The following DQX1 variants were observed in gnomAD, a reference collection of about 807,000 sequenced individuals.
DQX1 encodes ATP-dependent RNA helicase homolog DQX1.
A neutral mutation model predicts 81.3 loss-of-function variants in DQX1; 66 were observed. That is an observed-to-expected ratio of 0.81 (90% CI 0.67 to 1.00). The LOEUF (loss-of-function observed/expected upper bound fraction) is 1.00. DQX1 is among the 50% of genes least tolerant of loss of function. The probability of loss-of-function intolerance (pLI) is 0.00; values close to 1 mark genes in which losing one functional copy is unlikely to be tolerated. For missense variants in DQX1, 798 were observed against 867.9 expected, an observed-to-expected ratio of 0.92 and a Z score of 1.01; for synonymous variants, 290 against 350.0, an observed-to-expected ratio of 0.83 and a Z score of 1.91.
In DQX1 at chr2:74,525,731, G is replaced by A; in HGVS notation, c.-2C>T. 6.4e-7 allele frequency: 1 copy of A among 1,550,590 alleles called. No individual in the cohort carries two copies. The highest frequency in any genetic ancestry group is 8.7e-7 in the Non-Finnish European group (1 of 1,146,270). ...TAGCCTGAGAGGCTGAGAGGTCATGGTGGCTCTCTGGCAGGACCTGCAGAA... is the reference window on the plus strand; with the variant it reads ...TAGCCTGAGAGGCTGAGAGGTCATGATGGCTCTCTGGCAGGACCTGCAGAA... On this transcript the variant is annotated 5_prime_UTR_variant, in exon 2 of 12. Coordinates refer to ENST00000404568, the MANE Select transcript of DQX1 (RefSeq NM_133637.3). This position sits in a 1 kb window ranked among gnomAD's most constrained non-coding sequence, Gnocchi z 4.1.
Position 74,524,231 on chromosome 2 carries a change from C to T in DQX1, c.508G>A (p.Asp170Asn). The change falls in exon 4 of 12, where the codon GAT (aspartate) becomes AAT (asparagine). Residue 170 changes from aspartate (D) to asparagine (N), a missense_variant. Transcript: ENST00000404568. ...GCCACCGACCGCTCCTGAGCCTCAT[C>T]TAGTACCAGCACGCCCCAGGCTCCA... ...GTGAWGVLVL[D>N]EAQERSVASD... 1 of 1,614,126 alleles carries T rather than the reference C, an allele frequency of 6.2e-7. No individual in the cohort carries two copies. Among genetic ancestry groups the T allele is most frequent in the Non-Finnish European group, 8.5e-7 (1 of 1,180,024 alleles).
chr2:74,523,807 G>A, intron 4 of DQX1, 116 bp downstream of exon 4: 1 of 1,389,170 alleles, frequency 7.2e-7, no homozygotes, highest in Non-Finnish European at 9.5e-7. Flanking sequence ...CAACTCTACT[G>A]TTCCTAAGAG....
chr2:74,525,325 C>T lies in DQX1; in HGVS notation c.238-123G>A, dbSNP rs1462146756. The T allele has an allele frequency of 1.6e-6, 2 of 1,279,270 alleles. No individual in the cohort carries two copies. The highest frequency in any genetic ancestry group is 2.1e-6 in the Non-Finnish European group (2 of 943,902). 79.2% of individuals were successfully genotyped at this position (1,279,270 alleles called of 1,614,324 possible). On this transcript the variant is annotated intron_variant, in intron 2 of 11. Coordinates refer to ENST00000404568, the MANE Select transcript of DQX1 (RefSeq NM_133637.3). This position sits in a 1 kb window ranked among gnomAD's most constrained non-coding sequence, Gnocchi z 4.1. ...GGGGAGTCCCCTGGTCTTTCACCAG[C>T]CTCCAGGGCCAACCTAACCCATCCC... is the stretch of plus-strand genomic sequence containing the variant.
Position 74,525,424 on chromosome 2 carries a change from C to A in DQX1, c.237+69G>T. The stretch of plus-strand genomic sequence containing the variant: ...CTTGCCCAGGGAAAGGCCACTTTCC[C>A]TTTGTCCTCCCTTTGTCCTCCCTTT... On this transcript the variant is annotated intron_variant, in intron 2 of 11. Coordinates refer to ENST00000404568, the MANE Select transcript of DQX1 (RefSeq NM_133637.3). The surrounding 1 kb of genome is among the most constrained non-coding windows in gnomAD (Gnocchi z 4.1). The A allele has an allele frequency of 6.7e-7, 1 of 1,486,304 alleles. No individual in the cohort carries two copies. The allele number at this position is 1,486,304 out of a possible 1,614,324, so 92.1% of individuals were successfully genotyped here.
intron 10 of DQX1, 84 bp from the exon 11 acceptor site, chr2:74,519,314 A>C: frequency 6.9e-7 from 1 of 1,442,532 alleles, no homozygotes; most frequent in South Asian, 1.4e-5. Flanking sequence ...ATTGAGAAAG[A>C]GTAAGGGTGA....
chr2:74,525,069 C>CTGTATCCAA lies in DQX1; in HGVS notation c.370_371insTTGGATACA (p.Gly124delinsValGlyTyrSer). The CTGTATCCAA allele has an allele frequency of 6.2e-7, 1 of 1,614,132 alleles. No homozygotes were observed. Among genetic ancestry groups the CTGTATCCAA allele is most frequent in the Non-Finnish European group, 8.5e-7 (1 of 1,180,020 alleles). Reference sequence around the variant, plus strand: ...GGGGATGCTGTATCCAACCTCATGACCCAGGGTCAGGTCCATCTCATCAGC... The same window carrying CTGTATCCAA: ...GGGGATGCTGTATCCAACCTCATGACTGTATCCAACCAGGGTCAGGTCCATCTCATCAGC... On this transcript the variant is annotated protein_altering_variant, in exon 3 of 12. Transcript: ENST00000404568. This position sits in a 1 kb window ranked among gnomAD's most constrained non-coding sequence, Gnocchi z 4.1.
At chr2:74,523,585 G>C in intron 4 of DQX1, 48 bp from the exon 5 acceptor site, 1 of 1,560,628 alleles carries the variant, frequency 6.4e-7, no homozygotes, top group Non-Finnish European at 8.8e-7. Flanking sequence ...CACGTTTTTT[G>C]GGGTCACAGA....
At chr2:74,519,806 C>T in intron 9 of DQX1, 60 bp from the exon 10 acceptor site, 1 of 1,604,558 alleles carries the variant, frequency 6.2e-7, no homozygotes, top group Non-Finnish European at 8.5e-7. Context: ...ATAACCCAAC[C>T]CTTAGCCAAA....
intron 7 of DQX1, 21 bp downstream of exon 7, chr2:74,522,835 T>G: frequency 6.2e-7 from 1 of 1,612,512 alleles, no homozygotes; most frequent in South Asian, 1.1e-5. Context: ...ATGGCAGTGC[T>G]TGGGCAGGAG....
chr2:74,521,368 G>A (rs1210526956), intron 8 of DQX1, among the ~76,000 whole-genome samples: 5 of 152,088 alleles, frequency 3.3e-5, no homozygotes, highest in African/African-American at 1.2e-4. Context: ...GTCCATCAGG[G>A]GCTGGGTGCC....
intron 3 of DQX1, 84 bp downstream of exon 3, chr2:74,524,925 G>C: frequency 1.4e-6 from 2 of 1,457,156 alleles, no homozygotes; most frequent in Non-Finnish European, 1.9e-6. Flanking sequence ...GCTAAGGGAG[G>C]GTATGGTGAG....
rs540471297 is a variant in DQX1, at chr2:74,519,069, A to G, written c.1968T>C (p.Leu656=). The G allele has an allele frequency of 1.3e-6, 2 of 1,596,118 alleles. No individual in the cohort carries two copies. The highest frequency in any genetic ancestry group is 2.3e-5 in the South Asian group (2 of 88,640). The change falls in exon 11 of 12, where the codon CTT becomes CTC. Residue 656 remains leucine (L), a synonymous_variant. Coordinates refer to ENST00000404568, the MANE Select transcript of DQX1 (RefSeq NM_133637.3). ...GTGGTTGAATCTCAGAAACAATGGA[A>G]AGGCAGTTGTCTTTGGATATGGTGA... ...HNFTISKDNC[L]SIVSEIQPQM...
At position 74,522,938 on chromosome 2, in the gene DQX1, CT is replaced by C; in HGVS notation, c.1220del (p.Glu407GlyfsTer4). 6.2e-7 allele frequency: 1 copy of C among 1,614,194 alleles called. No individual in the cohort carries two copies. Among genetic ancestry groups the C allele is most frequent in the Admixed American group, 1.7e-5 (1 of 60,020 alleles). On this transcript the variant is annotated frameshift_variant, in exon 7 of 12. Coordinates refer to ENST00000404568, the MANE Select transcript of DQX1 (RefSeq NM_133637.3). LOFTEE classifies it high-confidence loss of function. Reference protein sequence around the residue: ...APPLPQPRVCEENLSSLVLLL... With the variant: ...APPLPQPRVCXENLSSLVLLL... ...GTAACACCAGGGAGCTCAGATTCTC[CT>C]CACACACCCTGGGTTGTGGCAATGG...
chr2:74,519,285 TA>T, intron 10 of DQX1, 55 bp from the exon 11 acceptor site: 1 of 1,503,428 alleles, frequency 6.7e-7, no homozygotes, highest in South Asian at 1.3e-5. Flanking sequence ...AGGCAGGCAG[TA>T]GAAAAAAATA....
Position 74,518,606 on chromosome 2 carries a change from A to T in DQX1, c.1998-4T>A. 6.2e-7 allele frequency: 1 copy of T among 1,613,856 alleles called. No individual in the cohort carries two copies. The highest frequency in any genetic ancestry group is 1.7e-5 in the Admixed American group (1 of 59,994). On this transcript the variant is annotated splice_region_variant and splice_polypyrimidine_tract_variant and intron_variant, in intron 11 of 11. Transcript: ENST00000404568. ...TGGAGGGGCCAATTCCACCAGCCTA[A>T]TAGAGAGAGTCATAATTAGATGATC...
chr2:74,523,900 TTTTG>T lies in DQX1; in HGVS notation c.816+19_816+22del, dbSNP rs1453174892. On this transcript the variant is annotated intron_variant, in intron 4 of 11. Coordinates refer to ENST00000404568, the MANE Select transcript of DQX1 (RefSeq NM_133637.3). The stretch of plus-strand genomic sequence containing the variant: ...GCAGGCTCATTTTGCAGGCTGTTTT[TTTTG>T]TTTTGTTTTGTTTTTTACCTCCTCA... The T allele has an allele frequency of 3.9e-6, 6 of 1,523,964 alleles. No individual in the cohort carries two copies. The highest frequency in any genetic ancestry group is 2.3e-5 in the East Asian group (1 of 42,770). 94.4% of individuals were successfully genotyped at this position (1,523,964 alleles called of 1,614,324 possible). A position where few individuals can be genotyped will look rare whatever the true frequency, so the allele number is the denominator to read the frequency against.
At chr2:74,519,313 G>T (rs1674966827) in intron 10 of DQX1, 83 bp from the exon 11 acceptor site, 6 of 1,440,924 alleles carry the variant, frequency 4.2e-6, no homozygotes, top group Non-Finnish European at 5.6e-6. Context: ...GATTGAGAAA[G>T]AGTAAGGGTG....
chr2:74,525,625 G>T lies in DQX1; in HGVS notation c.105C>A (p.Tyr35Ter), dbSNP rs1480425420. The change falls in exon 2 of 12, where the codon TAC becomes TAA. Residue 35 changes from tyrosine (Y) to a stop codon, truncating the protein, a stop_gained. Transcript: ENST00000404568. LOFTEE classifies it high-confidence loss of function. This position sits in a 1 kb window ranked among gnomAD's most constrained non-coding sequence, Gnocchi z 4.1. ...CTTGGCGCTGCTTCAGCAGCTCATA[G>T]TAGCGGGAAGAGAAGGGAAGCCCAT... ...PFDGLPFSSRYYELLKQRQAL... is the reference protein window; with the variant it reads ...PFDGLPFSSR 6.4e-7 allele frequency: 1 copy of T among 1,551,822 alleles called. No homozygotes were observed. The highest frequency in any genetic ancestry group is 8.7e-7 in the Non-Finnish European group (1 of 1,147,024).
rs545907961 is a variant in DQX1, at chr2:74,525,362, T to C, written c.237+131A>G. 8.8e-6 allele frequency: 11 copies of C among 1,253,686 alleles called. No individual in the cohort carries two copies. In the East Asian group the frequency reaches 1.5e-4, roughly 17 times the overall value. 77.7% of individuals were successfully genotyped at this position (1,253,686 alleles called of 1,614,324 possible). On this transcript the variant is annotated intron_variant, in intron 2 of 11. Coordinates refer to ENST00000404568, the MANE Select transcript of DQX1 (RefSeq NM_133637.3). The surrounding 1 kb of genome is among the most constrained non-coding windows in gnomAD (Gnocchi z 4.1). ...ACCTAACCCATCCCATCTCTCTTCG[T>C]TCACCTTCCTCATGACCCCACGCAG... is the stretch of plus-strand genomic sequence containing the variant.
Sources: allele counts gnomAD v4.1 joint callset (sites outside exome capture counted in the v4.1 genomes callset), GRCh38; gene constraint gnomAD v4.1.1; non-coding constraint Gnocchi (gnomAD v3.1); transcripts MANE v1.5; gene names NCBI Gene and HGNC (gene_info 2026-07-23, HGNC 2026-07-21).